CABIN1: variants seen among roughly 807,000 people sequenced by gnomAD.
CABIN1 encodes calcineurin binding protein 1.
A neutral mutation model predicts 227.7 loss-of-function variants in CABIN1; 133 were observed. The observed-to-expected ratio is 0.58, with a 90% confidence interval of 0.51 to 0.67. The LOEUF (loss-of-function observed/expected upper bound fraction) is 0.67. Ranked by LOEUF, CABIN1 falls within the 30% of genes least tolerant of loss-of-function variation. CABIN1 has a pLI of 0.00. For synonymous variants in CABIN1, 1,086 were observed against 1,155.1 expected, an observed-to-expected ratio of 0.94 and a Z score of 1.21; for missense variants, 2,408 against 2,852.5, an observed-to-expected ratio of 0.84 and a Z score of 3.55.
chr22:24,028,918 G>A (rs1379161409), intron 1 of CABIN1, among the ~76,000 whole-genome samples: 3 of 152,196 alleles, frequency 2.0e-5, no homozygotes, highest in Admixed American at 6.5e-5. Context: ...GAGGCAGGGT[G>A]ATTTCCACTG....
chr22:24,112,665 G>A (rs544544334), intron 26 of CABIN1, among the ~76,000 whole-genome samples: 26 of 152,272 alleles, frequency 1.7e-4, no homozygotes, highest in South Asian at 1.5e-3. Context: ...CATCTCAGGG[G>A]TGGTGCTTTC....
chr22:24,052,563 G>A (rs566235654), intron 8 of CABIN1, among the ~76,000 whole-genome samples: 1 of 151,790 alleles, frequency 6.6e-6, no homozygotes, highest in East Asian at 1.9e-4. Context: ...GGCTGAGGCA[G>A]GAGGATCACT....
At chr22:24,102,441 A>G (rs1374809316) in intron 26 of CABIN1, 2 of 152,264 alleles carry the variant, frequency 1.3e-5, no homozygotes, top group African/African-American at 2.4e-5. Context: ...TCTTTGGCCA[A>G]CCTGTAGCCA....
In CABIN1 at chr22:24,054,945, C is replaced by T; in HGVS notation, c.879C>T (p.Ser293=). The T allele has an allele frequency of 6.2e-7, 1 of 1,614,230 alleles. No individual in the cohort carries two copies. Among genetic ancestry groups the T allele is most frequent in the Admixed American group, 1.7e-5 (1 of 60,030 alleles). ...CCACCTGTGAGCCCCCACGTCCCAG[C>T]CTTGGCAAAAGGATTGATTTGTCGG... is the stretch of plus-strand genomic sequence containing the variant. ...HLTTCEPPRP[S]LGKRIDLSDY... Residue 293 remains serine, a synonymous_variant, in exon 9 of 37, where the codon AGC becomes AGT. Transcript: ENST00000263119.
At chr22:24,076,041 A>G (rs1343112596) in intron 18 of CABIN1, 128 bp from the exon 19 acceptor site, 6 of 665,056 alleles carry the variant, frequency 9.0e-6, no homozygotes, top group Non-Finnish European at 1.6e-5. Flanking sequence ...AAAAAAGGGA[A>G]AGGAAAAGTC....
chr22:24,135,076 TCAAA>T (rs1215253960), intron 29 of CABIN1, among the ~76,000 whole-genome samples: 7 of 146,640 alleles, frequency 4.8e-5, no homozygotes, highest in East Asian at 2.0e-4. Context: ...AGACTCTGTC[TCAAA>T]CAAACAAACA....
chr22:24,016,890 A>AT (rs1260913296), intron 1 of CABIN1, among the ~76,000 whole-genome samples: 2 of 151,758 alleles, frequency 1.3e-5, no homozygotes, highest in Non-Finnish European at 2.9e-5. Context: ...TGATTTGAAC[A>AT]TTTTTTCATA....
At chr22:24,061,049 CTGGG>C (rs1272056030) in intron 12 of CABIN1, among the ~76,000 whole-genome samples, 1 of 152,192 alleles carries the variant, frequency 6.6e-6, no homozygotes, top group East Asian at 1.9e-4. Flanking sequence ...TCCCAAAGCA[CTGGG>C]ATGACAGGCG....
chr22:24,083,071 CAG>C (rs2040915678), intron 19 of CABIN1, among the ~76,000 whole-genome samples, 155 bp from the exon 20 acceptor site: 1 of 152,280 alleles, frequency 6.6e-6, no homozygotes, highest in East Asian at 1.9e-4. Context: ...TTCCAGGAAA[CAG>C]GTGTTTTTGG....
chr22:24,081,503 T>TC (rs1009325059), intron 19 of CABIN1, among the ~76,000 whole-genome samples: 1 of 152,158 alleles, frequency 6.6e-6, no homozygotes, highest in Non-Finnish European at 1.5e-5. Context: ...TTGTGCTTTC[T>TC]CCCCCCACCT....
chr22:24,066,518 T>C (rs554974932), intron 15 of CABIN1, among the ~76,000 whole-genome samples: 1 of 152,340 alleles, frequency 6.6e-6, no homozygotes, highest in South Asian at 2.1e-4. Context: ...CTTCAGACTC[T>C]CCTAGAGTTA....
chr22:24,079,309 G>A (rs1396944097), intron 19 of CABIN1, among the ~76,000 whole-genome samples: 5 of 151,542 alleles, frequency 3.3e-5, no homozygotes, highest in Non-Finnish European at 7.4e-5. Context: ...TCCTAATATG[G>A]CATTAAGGTT....
intron 28 of CABIN1, among the ~76,000 whole-genome samples, chr22:24,133,047 T>C (rs368049609): frequency 6.6e-6 from 1 of 152,214 alleles, no homozygotes; most frequent in East Asian, 1.9e-4. Context: ...GAGGACCCTT[T>C]TGCTGCCCAG....
In CABIN1 at chr22:24,060,034, C is replaced by T. The variant is rs769744330; in HGVS notation, c.1510C>T (p.Pro504Ser). 1.2e-5 allele frequency: 19 copies of T among 1,614,036 alleles called. No individual in the cohort carries two copies. The highest frequency in any genetic ancestry group is 1.7e-5 in the Admixed American group (1 of 60,004). Residue 504 changes from proline (P) to serine (S), a missense_variant, in exon 12 of 37, where the codon CCT becomes TCT. Coordinates refer to ENST00000263119, the MANE Select transcript of CABIN1 (RefSeq NM_012295.4). ...GGGCCACAAGTTCTTGGTAAGGTGG[C>T]CTCCAGGCTTGGCGGAGGTCGTGCT... is the stretch of plus-strand genomic sequence containing the variant. ...AMGHKFLVRWPPGLAEVVLSV... is the reference protein window; with the variant it reads ...AMGHKFLVRWSPGLAEVVLSV...
intron 15 of CABIN1, 83 bp from the exon 16 acceptor site, chr22:24,066,904 T>C (rs1328832097): frequency 1.5e-6 from 2 of 1,328,758 alleles, no homozygotes; most frequent in Non-Finnish European, 2.2e-6. Flanking sequence ...CATCCAAGTC[T>C]GATAAAAACA....
chr22:24,103,843 C>G (rs2042353727), intron 26 of CABIN1, among the ~76,000 whole-genome samples: 2 of 152,088 alleles, frequency 1.3e-5, no homozygotes, highest in Admixed American at 1.3e-4. Flanking sequence ...GATTCCTGCT[C>G]CCAGGTTGGA....
At chr22:24,057,485 T>C (rs2038888160) in intron 10 of CABIN1, among the ~76,000 whole-genome samples, 1 of 152,228 alleles carries the variant, frequency 6.6e-6, no homozygotes, top group African/African-American at 2.4e-5. Flanking sequence ...TCTTCTGTCT[T>C]TGTGAGTTTA....
At chr22:24,070,619 A>G (rs2040013971) in intron 16 of CABIN1, among the ~76,000 whole-genome samples, 181 bp from the exon 17 acceptor site, 1 of 152,252 alleles carries the variant, frequency 6.6e-6, no homozygotes, top group South Asian at 2.1e-4. Context: ...CATTGCACAC[A>G]GGCCACTGGA....
Position 24,076,154 on chromosome 22 carries a change from C to G in CABIN1, c.2633-15C>G, listed in dbSNP as rs2040426217. ...CCACACTAACTCTGTGTCTGTCGGC[C>G]TGGGCTTTCCCTAGGGATGTCAGAG... On this transcript the variant is annotated splice_polypyrimidine_tract_variant and intron_variant, in intron 18 of 36. Coordinates refer to ENST00000263119, the MANE Select transcript of CABIN1 (RefSeq NM_012295.4). 6.2e-7 allele frequency: 1 copy of G among 1,606,914 alleles called. No homozygotes were observed. Among genetic ancestry groups the G allele is most frequent in the African/African-American group, 1.3e-5 (1 of 74,904 alleles).
Sources: allele counts gnomAD v4.1 joint callset (sites outside exome capture counted in the v4.1 genomes callset), GRCh38; gene constraint gnomAD v4.1.1; transcripts MANE v1.5; gene names NCBI Gene and HGNC (gene_info 2026-07-23, HGNC 2026-07-21).